The following REC114 variants were observed in gnomAD, a reference collection of about 807,000 sequenced individuals.
The protein encoded by REC114 is meiotic recombination protein REC114.
In REC114, 27 loss-of-function variants were observed where a neutral mutation model predicts 31.3. The ratio of observed to expected loss-of-function variants is 0.86; its 90% confidence interval spans 0.64 to 1.19. The LOEUF is 1.19. Among genes scored for constraint, REC114 ranks in the 50% most tolerant of loss-of-function variants. The probability of loss-of-function intolerance (pLI) is 0.00; values close to 1 mark genes in which losing one functional copy is unlikely to be tolerated. For synonymous variants in REC114, 134 were observed against 127.7 expected (o/e 1.05, Z -0.33); for missense variants, 344 against 326.9 (o/e 1.05, Z -0.40).
chr15:73,552,252 C>T (rs1246772279), intron 4 of REC114, among the ~76,000 whole-genome samples: 1 of 152,132 alleles, frequency 6.6e-6, no homozygotes, highest in Non-Finnish European at 1.5e-5. Context: ...CTAAAATACC[C>T]CTCCCTTCTC....
chr15:73,513,445 CGTCAAA>C (rs1248207714), intron 2 of REC114, among the ~76,000 whole-genome samples: 1 of 148,552 alleles, frequency 6.7e-6, no homozygotes, highest in Non-Finnish European at 1.5e-5. Flanking sequence ...TCTCTCAGCT[CGTCAAA>C]GTCATTCTCC....
chr15:73,464,885 T>TTTTGTTTG (rs369465530), intron 1 of REC114, among the ~76,000 whole-genome samples: 20 of 152,048 alleles, frequency 1.3e-4, no homozygotes, highest in African/African-American at 4.6e-4. Context: ...ATGATGTGTT[T>TTTTGTTTG]TTTGTTTGTT....
intron 1 of REC114, among the ~76,000 whole-genome samples, chr15:73,446,481 A>C (rs1396820861): frequency 6.6e-6 from 1 of 152,136 alleles, no homozygotes; most frequent in Non-Finnish European, 1.5e-5. Context: ...CTCTACAAAA[A>C]ATGCAAAAAT....
chr15:73,446,992 A>G (rs912438587), intron 1 of REC114, among the ~76,000 whole-genome samples: 10 of 152,202 alleles, frequency 6.6e-5, no homozygotes, highest in African/African-American at 2.2e-4. Flanking sequence ...GACTCAGGGC[A>G]TGGCAGTAGA....
At chr15:73,462,396 A>C (rs1893001394) in intron 1 of REC114, among the ~76,000 whole-genome samples, 1 of 152,168 alleles carries the variant, frequency 6.6e-6, no homozygotes, top group South Asian at 2.1e-4. Flanking sequence ...CGGTAGAATT[A>C]GGACATTATA....
chr15:73,534,345 G>T (rs562163120), intron 2 of REC114, among the ~76,000 whole-genome samples: 1 of 152,098 alleles, frequency 6.6e-6, no homozygotes, highest in Admixed American at 6.5e-5. Context: ...TGATAAAGGG[G>T]ATATCACCAC....
At chr15:73,527,778 A>G (rs1894026436) in intron 2 of REC114, among the ~76,000 whole-genome samples, 1 of 152,218 alleles carries the variant, frequency 6.6e-6, no homozygotes, top group African/African-American at 2.4e-5. Flanking sequence ...GATAACATCT[A>G]CAACTAAAAC....
chr15:73,500,732 T>G (rs557807642), intron 2 of REC114, among the ~76,000 whole-genome samples: 77 of 151,170 alleles, frequency 5.1e-4, no homozygotes, highest in African/African-American at 1.8e-3. Context: ...ATTATTGTTT[T>G]TTTTTTTTTT....
chr15:73,546,216 A>G (rs1894306618), intron 3 of REC114, among the ~76,000 whole-genome samples: 1 of 152,216 alleles, frequency 6.6e-6, no homozygotes, highest in African/African-American at 2.4e-5. Context: ...GTATGTTGAC[A>G]AAAATTTAAA....
Position 73,447,232 on chromosome 15 carries a change from A to T in REC114, c.159+3888A>T, listed in dbSNP as rs542625448. ...TGAAGCATCCAAGTGGAGATACTGA[A>T]TAGGTGGTTGGGTATATTGGTCTAG... On this transcript the variant is annotated intron_variant, in intron 1 of 5. Coordinates refer to ENST00000331090, the MANE Select transcript of REC114 (RefSeq NM_001042367.2). Among the ~76,000 whole-genome samples the T allele has an allele frequency of 3.3e-5, 5 of 152,306 alleles. No homozygotes were observed. The South Asian group carries it at 1.0e-3, about 32-fold the overall frequency.
chr15:73,451,966 T>C (rs1259356053), intron 1 of REC114, among the ~76,000 whole-genome samples: 2 of 152,202 alleles, frequency 1.3e-5, no homozygotes, highest in Non-Finnish European at 2.9e-5. Flanking sequence ...ATAAACTAGG[T>C]ATTGATAGAC....
intron 2 of REC114, among the ~76,000 whole-genome samples, chr15:73,533,723 A>G (rs1256916771): frequency 2.1e-4 from 29 of 140,318 alleles, no homozygotes; most frequent in African/African-American, 5.8e-4. Flanking sequence ...CCCCAAATCA[A>G]CAGAATATAC....
intron 2 of REC114, among the ~76,000 whole-genome samples, chr15:73,496,033 CT>C (rs1893517730): frequency 2.6e-5 from 4 of 151,898 alleles, no homozygotes; most frequent in Admixed American, 2.6e-4. Flanking sequence ...TTTATTTAAA[CT>C]TTTTATTTAG....
intron 2 of REC114, among the ~76,000 whole-genome samples, chr15:73,494,687 T>G (rs1893494410): frequency 6.6e-6 from 1 of 152,204 alleles, no homozygotes; most frequent in Non-Finnish European, 1.5e-5. Flanking sequence ...TTTTTGCAAT[T>G]GGTTGATATT....
chr15:73,513,806 A>T (rs1206482484), intron 2 of REC114, among the ~76,000 whole-genome samples: 2 of 151,622 alleles, frequency 1.3e-5, no homozygotes, highest in Admixed American at 1.3e-4. Context: ...GCCGGTTCTC[A>T]GATCTCCAGC....
chr15:73,522,394 A>G (rs904653572), intron 2 of REC114, among the ~76,000 whole-genome samples: 2 of 152,186 alleles, frequency 1.3e-5, no homozygotes, highest in Non-Finnish European at 2.9e-5. Context: ...CATCTGGGTA[A>G]CTACCACCAC....
chr15:73,460,369 C>A (rs1299608463), intron 1 of REC114, among the ~76,000 whole-genome samples: 1 of 152,156 alleles, frequency 6.6e-6, no homozygotes, highest in Non-Finnish European at 1.5e-5. Flanking sequence ...ATGTGCCAGA[C>A]ACTATGCAAG....
rs79555328 is a variant in REC114, at chr15:73,474,221, C to T, written c.249+300C>T. 4.8e-3 allele frequency among the ~76,000 whole-genome samples: 729 copies of T among 152,196 alleles called. 6 individuals carry two copies. Among genetic ancestry groups the T allele is most frequent in the African/African-American group, 0.017 (691 of 41,530 alleles). ...GTTAAGATAGGCTTGTTAACAAAGA[C>T]AAGTGTGGAGGGTTTTCCAGATAGG... is the stretch of plus-strand genomic sequence containing the variant. On this transcript the variant is annotated intron_variant, in intron 2 of 5. Coordinates refer to ENST00000331090, the MANE Select transcript of REC114 (RefSeq NM_001042367.2).
At chr15:73,445,661 G>A (rs933398332) in intron 1 of REC114, among the ~76,000 whole-genome samples, 4 of 152,140 alleles carry the variant, frequency 2.6e-5, no homozygotes, top group Non-Finnish European at 5.9e-5. Context: ...TTTCAATATT[G>A]TTGTGTCTCA....
Sources: allele counts gnomAD v4.1 joint callset (sites outside exome capture counted in the v4.1 genomes callset), GRCh38; gene constraint gnomAD v4.1.1; transcripts MANE v1.5; gene names NCBI Gene and HGNC (gene_info 2026-07-23, HGNC 2026-07-21).